The following KATNAL1 variants were observed in gnomAD, a reference collection of about 807,000 sequenced individuals.
KATNAL1 encodes katanin catalytic subunit A1 like 1.
A neutral mutation model predicts 55.2 loss-of-function variants in KATNAL1; 32 were observed. That is an observed-to-expected ratio of 0.58 (90% CI 0.44 to 0.78). The LOEUF is 0.78. Among genes scored for constraint, KATNAL1 ranks in the 30% least tolerant of loss-of-function variants. KATNAL1 has a pLI of 0.00. For synonymous variants in KATNAL1, 193 were observed against 193.6 expected (o/e 1.00, Z 0.02); for missense variants, 466 against 600.9 (o/e 0.78, Z 2.35).
rs1410348661 is a variant in KATNAL1, at chr13:30,207,153, C to T, written c.*1387G>A. 1 of 152,108 alleles carries T rather than the reference C, an allele frequency of 6.6e-6. No homozygotes were observed. Among genetic ancestry groups the T allele is most frequent in the Non-Finnish European group, 1.5e-5 (1 of 68,006 alleles). The allele number at this position is 152,108 out of a possible 1,614,324, so 9.4% of individuals were successfully genotyped here. ...CGAAACTGAGAATTCAGGATGTTAT[C>T]AAATACAAATTTTTAAAAGCTTGAC... On this transcript the variant is annotated 3_prime_UTR_variant, in exon 11 of 11. Transcript: ENST00000380615.
chr13:30,249,854 A>C (rs1432759265), intron 4 of KATNAL1, among the ~76,000 whole-genome samples: 1 of 152,196 alleles, frequency 6.6e-6, no homozygotes, highest in African/African-American at 2.4e-5. Context: ...GTTGTTTCTT[A>C]CTAGTTTTTG....
chr13:30,300,231 T>C (rs1882774321), intron 1 of KATNAL1, among the ~76,000 whole-genome samples: 1 of 152,244 alleles, frequency 6.6e-6, no homozygotes, highest in South Asian at 2.1e-4. Flanking sequence ...TCAATCTAAT[T>C]CAGTTATACT....
At position 30,206,152 on chromosome 13, in the gene KATNAL1, GC is replaced by G. The variant is rs1431408166; in HGVS notation, c.*2387del. 6.6e-6 allele frequency: 1 copy of G among 152,090 alleles called. No individual in the cohort carries two copies. Among genetic ancestry groups the G allele is most frequent in the Non-Finnish European group, 1.5e-5 (1 of 68,146 alleles). 9.4% of individuals were successfully genotyped at this position (152,090 alleles called of 1,614,324 possible). A position where few individuals can be genotyped will look rare whatever the true frequency, so the allele number is the denominator to read the frequency against. On this transcript the variant is annotated 3_prime_UTR_variant, in exon 11 of 11. Transcript: ENST00000380615. ...ACAAAAAAATAAGCCGGGTGTGGCGGCAACTGTAATCCCAGCTACTCAGGAG... is the reference window on the plus strand; with the variant it reads ...ACAAAAAAATAAGCCGGGTGTGGCGGAACTGTAATCCCAGCTACTCAGGAG...
chr13:30,263,598 C>A (rs1388287471), intron 3 of KATNAL1, among the ~76,000 whole-genome samples: 1 of 152,070 alleles, frequency 6.6e-6, no homozygotes, highest in Non-Finnish European at 1.5e-5. Context: ...ATGAGAGAAC[C>A]AAATCATGAG....
intron 9 of KATNAL1, among the ~76,000 whole-genome samples, chr13:30,211,755 C>G (rs960753291): frequency 6.6e-6 from 1 of 152,184 alleles, no homozygotes; most frequent in Non-Finnish European, 1.5e-5. Flanking sequence ...GAACCAAGAA[C>G]AGCCAAGATG....
rs1232541726 is a variant in KATNAL1, at chr13:30,270,041, G to A, written c.323+10022C>T. ...AGGGAGGTGGGGGTGTCAGCCCCCC[G>A]CCCGGCCAGCCGCCCCATCCGGGAG... On this transcript the variant is annotated intron_variant, in intron 3 of 10. Transcript: ENST00000380615. 3.5e-5 allele frequency among the ~76,000 whole-genome samples: 4 copies of A among 115,430 alleles called. 1 individual carries two copies. Among genetic ancestry groups the A allele is most frequent in the Non-Finnish European group, 3.7e-5 (2 of 53,484 alleles). 75.7% of individuals were successfully genotyped at this position (115,430 alleles called of 152,430 possible). A position where few individuals can be genotyped will look rare whatever the true frequency, so the allele number is the denominator to read the frequency against.
At chr13:30,291,957 C>T (rs1882162276) in intron 1 of KATNAL1, among the ~76,000 whole-genome samples, 1 of 152,098 alleles carries the variant, frequency 6.6e-6, no homozygotes, top group Non-Finnish European at 1.5e-5. Flanking sequence ...ACTGCTTTGA[C>T]CTGGAAGGAG....
intron 7 of KATNAL1, 116 bp from the exon 8 acceptor site, chr13:30,230,710 G>T: frequency 2.8e-6 from 2 of 724,802 alleles, no homozygotes; most frequent in Non-Finnish European, 4.4e-6. Flanking sequence ...CTGTTTTAAT[G>T]CCATCATCTG....
intron 3 of KATNAL1, among the ~76,000 whole-genome samples, chr13:30,273,099 T>C (rs551153699): frequency 1.3e-5 from 2 of 152,356 alleles, no homozygotes; most frequent in African/African-American, 4.8e-5. Context: ...ATCTAGCCCA[T>C]GCATCATCAA....
At position 30,241,980 on chromosome 13, in the gene KATNAL1, C is replaced by T. The variant is rs530126760; in HGVS notation, c.493-894G>A. Among the ~76,000 whole-genome samples the T allele has an allele frequency of 9.2e-5, 14 of 152,240 alleles. No homozygotes were observed. The South Asian group carries it at 2.5e-3, about 27-fold the overall frequency. On this transcript the variant is annotated intron_variant, in intron 4 of 10. Coordinates refer to ENST00000380615, the MANE Select transcript of KATNAL1 (RefSeq NM_032116.5). ...TAGTAAATTTTCCCGAAGATTCTTG[C>T]ATTCCAGATGACAGATATCAATACT...
rs35961753 is a variant in KATNAL1, at chr13:30,229,948, CTTTTT to C, written c.1012+515_1012+519del. On this transcript the variant is annotated intron_variant, in intron 8 of 10. Coordinates refer to ENST00000380615, the MANE Select transcript of KATNAL1 (RefSeq NM_032116.5). ...AAAATATTAAAAAAAAGAAGAGGGG[CTTTTT>C]TTTTTTTTTTTTTAACATTTTTGCA... Among the ~76,000 whole-genome samples the C allele has an allele frequency of 4.5e-3, 616 of 137,082 alleles. 4 individuals carry two copies. Among genetic ancestry groups the C allele is most frequent in the African/African-American group, 0.011 (409 of 36,664 alleles). 89.9% of individuals were successfully genotyped at this position (137,082 alleles called of 152,430 possible).
intron 9 of KATNAL1, among the ~76,000 whole-genome samples, chr13:30,213,006 C>T (rs73443658): frequency 0.011 from 1,600 of 152,254 alleles, 36 homozygotes; most frequent in African/African-American, 0.036. Context: ...CACATGAAGA[C>T]GCCGGGACAA....
Position 30,307,448 on chromosome 13 carries a change from C to T in KATNAL1, c.-132G>A, listed in dbSNP as rs1328562415. The T allele has an allele frequency of 2.0e-5, 3 of 152,794 alleles. No individual in the cohort carries two copies. Among genetic ancestry groups the T allele is most frequent in the Non-Finnish European group, 4.4e-5 (3 of 68,602 alleles). 9.5% of individuals were successfully genotyped at this position (152,794 alleles called of 1,614,324 possible). On this transcript the variant is annotated 5_prime_UTR_variant, in exon 1 of 11. Coordinates refer to ENST00000380615, the MANE Select transcript of KATNAL1 (RefSeq NM_032116.5). The stretch of plus-strand genomic sequence containing the variant: ...TTAGCTCGCGACGTGCGTGAAAAGG[C>T]GGCGGCGGCGTAGTGTTGCCATGGC...
chr13:30,226,317 C>T (rs1373646459), intron 9 of KATNAL1, among the ~76,000 whole-genome samples: 2 of 152,098 alleles, frequency 1.3e-5, no homozygotes, highest in Non-Finnish European at 2.9e-5. Flanking sequence ...AAAAAAGATA[C>T]GTACCAGAAA....
intron 1 of KATNAL1, among the ~76,000 whole-genome samples, chr13:30,284,065 G>A (rs1445768909): frequency 6.6e-6 from 1 of 151,904 alleles, no homozygotes; most frequent in Non-Finnish European, 1.5e-5. Flanking sequence ...TCACTGTGTT[G>A]GCCAGGCTGG....
chr13:30,303,766 G>A lies in KATNAL1; in HGVS notation c.-15+3565C>T, dbSNP rs547362885. Among the ~76,000 whole-genome samples, 191 of 152,208 alleles carry A rather than the reference G, an allele frequency of 1.3e-3. 1 individual carries two copies. Among genetic ancestry groups the A allele is most frequent in the Middle Eastern group, 3.4e-3 (1 of 294 alleles). ...CTTTGAAGATGAAAACAAGGCAAAA[G>A]TACATTGGTATTAATGCCCTATACA... On this transcript the variant is annotated intron_variant, in intron 1 of 10. Transcript: ENST00000380615.
intron 1 of KATNAL1, among the ~76,000 whole-genome samples, chr13:30,297,582 A>C (rs940989840): frequency 6.6e-6 from 1 of 152,240 alleles, no homozygotes; most frequent in Non-Finnish European, 1.5e-5. Flanking sequence ...TCACTGCAGC[A>C]CTATTCACAA....
intron 3 of KATNAL1, among the ~76,000 whole-genome samples, chr13:30,275,364 T>C (rs933426954): frequency 6.6e-6 from 1 of 152,142 alleles, no homozygotes; most frequent in African/African-American, 2.4e-5. Context: ...ACCAAGGAAA[T>C]GGTACTAAGC....
rs368060081 is a variant in KATNAL1 at position 30,286,845 on chromosome 13, T to C, written c.-14-3054A>G. On this transcript the variant is annotated intron_variant, in intron 1 of 10. Coordinates refer to ENST00000380615, the MANE Select transcript of KATNAL1 (RefSeq NM_032116.5). ...GGAGCTGCCCAAGGCCATGGGAACC[T>C]ACCTCTGACATCAGTGTGACCTGGA... 2.8e-4 allele frequency among the ~76,000 whole-genome samples: 43 copies of C among 152,370 alleles called. 4 individuals carry two copies. In the South Asian group the frequency reaches 8.3e-3, roughly 29 times the overall value.
Sources: gnomAD v4.1 joint callset for allele counts (sites outside exome capture counted in the v4.1 genomes callset) on GRCh38, gnomAD v4.1.1 for gene constraint, MANE v1.5 for transcripts, NCBI Gene and HGNC (gene_info 2026-07-23, HGNC 2026-07-21) for gene names.